Variants in IPO7 observed in about 807,000 individuals in gnomAD.
IPO7 encodes the protein importin-7.
Under a neutral mutation model 136.4 loss-of-function variants are expected in IPO7, and 13 were observed. That is an observed-to-expected ratio of 0.10 (90% CI 0.06 to 0.15). The LOEUF is 0.15. Among genes scored for constraint, IPO7 ranks in the 10% least tolerant of loss-of-function variants. The pLI is 1.00. For synonymous variants in IPO7, 403 were observed against 404.4 expected (o/e 1.00, Z 0.04); for missense variants, 857 against 1,240.6 (o/e 0.69, Z 4.65).
chr11:9,416,807 T>C (rs1010760004), intron 5 of IPO7, among the ~76,000 whole-genome samples: 8 of 152,054 alleles, frequency 5.3e-5, no homozygotes, highest in African/African-American at 1.7e-4. Context: ...TGATGAAAGG[T>C]GTTCATTAGA....
intron 4 of IPO7, among the ~76,000 whole-genome samples, chr11:9,410,338 T>C (rs1854951024): frequency 6.6e-6 from 1 of 152,226 alleles, no homozygotes; most frequent in Admixed American, 6.5e-5. Context: ...AAAACTAAGT[T>C]GTCTCTAAAG....
intron 1 of IPO7, among the ~76,000 whole-genome samples, chr11:9,387,786 G>A (rs1381018152): frequency 1.3e-5 from 2 of 151,718 alleles, no homozygotes; most frequent in Admixed American, 6.6e-5. Flanking sequence ...AGCTGAGATC[G>A]TGCCACTGCA....
chr11:9,402,047 AGGAAACAGGTGTCACAGAGGGTATT>A (rs1182290651), intron 1 of IPO7, among the ~76,000 whole-genome samples: 6 of 152,154 alleles, frequency 3.9e-5, no homozygotes, highest in Non-Finnish European at 8.8e-5. Flanking sequence ...TACTTAAAAG[AGGAAACAGGTGTCACAGAGGGTATT>A]GTTTTTGAGC....
intron 1 of IPO7, among the ~76,000 whole-genome samples, chr11:9,391,049 C>T (rs1854625934): frequency 6.6e-6 from 1 of 152,110 alleles, no homozygotes. Context: ...GGATTACAGG[C>T]ATGAATCACA....
intron 12 of IPO7, among the ~76,000 whole-genome samples, chr11:9,427,432 G>A (rs375054402): frequency 3.3e-5 from 5 of 151,824 alleles, no homozygotes; most frequent in Admixed American, 2.0e-4. Flanking sequence ...GCTAATTTTT[G>A]TATTTTCAGT....
intron 18 of IPO7, among the ~76,000 whole-genome samples, 191 bp from the exon 19 acceptor site, chr11:9,434,743 T>C (rs1337645062): frequency 6.6e-6 from 1 of 152,178 alleles, no homozygotes; most frequent in Non-Finnish European, 1.5e-5. Flanking sequence ...CAGTGAGTTT[T>C]AATCACACCA....
In IPO7 at chr11:9,426,948, G is replaced by A. The variant is rs750376934; in HGVS notation, c.1336-1592G>A. 2.0e-4 allele frequency among the ~76,000 whole-genome samples: 30 copies of A among 150,426 alleles called. 1 individual carries two copies. The highest frequency in any genetic ancestry group is 8.4e-4 in the South Asian group (4 of 4,754). ...TGCTGGAGTGCAGTGGCGCAATCTC[G>A]ACTCACTGCAACCTCTACCTTCCGG... On this transcript the variant is annotated intron_variant, in intron 12 of 24. Coordinates refer to ENST00000379719, the MANE Select transcript of IPO7 (RefSeq NM_006391.3).
At chr11:9,396,324 A>T (rs548174449) in intron 1 of IPO7, among the ~76,000 whole-genome samples, 1 of 152,250 alleles carries the variant, frequency 6.6e-6, no homozygotes, top group East Asian at 1.9e-4. Context: ...TCAACCTGGG[A>T]GGCGGAGGTT....
chr11:9,438,376 C>T (rs1435039285), intron 22 of IPO7, 91 bp downstream of exon 22: 2 of 801,166 alleles, frequency 2.5e-6, no homozygotes, highest in Admixed American at 2.2e-5. Context: ...CCTGTAATCC[C>T]AGCACTTTGG....
intron 4 of IPO7, among the ~76,000 whole-genome samples, chr11:9,412,603 C>T (rs531909354): frequency 6.6e-6 from 1 of 152,216 alleles, no homozygotes; most frequent in African/African-American, 2.4e-5. Flanking sequence ...ATCACTTGAG[C>T]CCAGGAGTTT....
At chr11:9,436,221 C>A in intron 19 of IPO7, 50 bp from the exon 20 acceptor site, 1 of 1,286,750 alleles carries the variant, frequency 7.8e-7, no homozygotes, top group Non-Finnish European at 1.1e-6. Flanking sequence ...ATTTAGATAC[C>A]TGATTTAAAG....
chr11:9,388,255 G>A (rs1360988348), intron 1 of IPO7, among the ~76,000 whole-genome samples: 11 of 149,194 alleles, frequency 7.4e-5, no homozygotes, highest in Non-Finnish European at 1.3e-4. Context: ...TGAGCCCACC[G>A]CAACTTCTGC....
chr11:9,435,370 A>G (rs1307454773), intron 19 of IPO7, among the ~76,000 whole-genome samples: 6 of 152,224 alleles, frequency 3.9e-5, no homozygotes, highest in Admixed American at 6.5e-5. Context: ...TATAAAGGAA[A>G]AGGTTAGCAG....
chr11:9,406,213 G>A (rs536383842), intron 2 of IPO7, among the ~76,000 whole-genome samples: 1 of 140,782 alleles, frequency 7.1e-6, no homozygotes, highest in African/African-American at 2.6e-5. Flanking sequence ...TAGCCACTAT[G>A]GCTGGTCTTG....
intron 22 of IPO7, among the ~76,000 whole-genome samples, chr11:9,439,963 TATTA>T (rs1361997864): frequency 6.6e-6 from 1 of 152,242 alleles, no homozygotes; most frequent in Admixed American, 6.5e-5. Flanking sequence ...TCCTATCATC[TATTA>T]ATTCTAAAAC....
chr11:9,388,653 A>T (rs1269829922), intron 1 of IPO7, among the ~76,000 whole-genome samples: 1 of 149,860 alleles, frequency 6.7e-6, no homozygotes, highest in African/African-American at 2.5e-5. Flanking sequence ...TAATTTTTGT[A>T]TTTTTTGTAG....
chr11:9,394,788 G>T (rs1854686094), intron 1 of IPO7, among the ~76,000 whole-genome samples: 1 of 152,174 alleles, frequency 6.6e-6, no homozygotes, highest in African/African-American at 2.4e-5. Flanking sequence ...CGCATTGTCA[G>T]TACTAGTAAG....
chr11:9,420,812 C>A, intron 8 of IPO7, 114 bp downstream of exon 8: 1 of 684,300 alleles, frequency 1.5e-6, no homozygotes, highest in Non-Finnish European at 2.5e-6. Context: ...GACCCTGTAC[C>A]AGGTCTCAAA....
intron 23 of IPO7, 80 bp from the exon 24 acceptor site, chr11:9,442,001 A>G: frequency 1.5e-6 from 1 of 654,950 alleles, no homozygotes; most frequent in Non-Finnish European, 2.8e-6. Flanking sequence ...CTCGGGATGG[A>G]GTAGGAGGAA....
Sources: allele counts gnomAD v4.1 joint callset (sites outside exome capture counted in the v4.1 genomes callset), GRCh38; gene constraint gnomAD v4.1.1; transcripts MANE v1.5; gene names NCBI Gene and HGNC (gene_info 2026-07-23, HGNC 2026-07-21).